The following SNTG2 variants were observed in gnomAD, a reference collection of about 807,000 sequenced individuals.
SNTG2 encodes gamma-2-syntrophin.
In SNTG2, 74 loss-of-function variants were observed where a neutral mutation model predicts 70.9. That is an observed-to-expected ratio of 1.04 (90% CI 0.86 to 1.27). The LOEUF (loss-of-function observed/expected upper bound fraction) is 1.27. SNTG2 is among the 50% of genes most tolerant of loss of function. The probability of loss-of-function intolerance (pLI) is 0.00; values close to 1 mark genes in which losing one functional copy is unlikely to be tolerated. For synonymous variants in SNTG2, 278 were observed against 273.8 expected, an observed-to-expected ratio of 1.02 and a Z score of -0.15; for missense variants, 717 against 690.7, an observed-to-expected ratio of 1.04 and a Z score of -0.43.
chr2:1,014,538 A>G (rs1659819100), intron 1 of SNTG2, among the ~76,000 whole-genome samples: 1 of 79,030 alleles, frequency 1.3e-5, no homozygotes, highest in Non-Finnish European at 2.9e-5. Context: ...TGGTCTGGAG[A>G]AGGATTTATA....
intron 8 of SNTG2, among the ~76,000 whole-genome samples, chr2:1,178,369 C>G (rs1671624520): frequency 6.6e-6 from 1 of 152,152 alleles, no homozygotes; most frequent in South Asian, 2.1e-4. Context: ...GAGGACATCT[C>G]TGTCTTGTGC....
intron 1 of SNTG2, among the ~76,000 whole-genome samples, chr2:992,047 C>T (rs760701907): frequency 3.3e-5 from 5 of 151,918 alleles, no homozygotes; most frequent in Non-Finnish European, 5.9e-5. Flanking sequence ...AATAACACAC[C>T]GTGACCCAGC....
chr2:1,312,432 A>C (rs1681046576), intron 15 of SNTG2, among the ~76,000 whole-genome samples: 1 of 152,164 alleles, frequency 6.6e-6, no homozygotes, highest in Non-Finnish European at 1.5e-5. Flanking sequence ...GAGGACATCG[A>C]CAAGAATAGA....
intron 1 of SNTG2, among the ~76,000 whole-genome samples, chr2:981,720 G>A (rs556623234): frequency 2.5e-4 from 38 of 152,168 alleles, no homozygotes; most frequent in African/African-American, 7.0e-4. Context: ...CAAACAAGTC[G>A]TACACACATG....
At chr2:1,214,847 T>C (rs1020272891) in intron 9 of SNTG2, among the ~76,000 whole-genome samples, 1 of 152,208 alleles carries the variant, frequency 6.6e-6, no homozygotes, top group Non-Finnish European at 1.5e-5. Flanking sequence ...TTTTCATCAT[T>C]AAGTATGATA....
intron 1 of SNTG2, among the ~76,000 whole-genome samples, chr2:1,076,580 C>G (rs1049741627): frequency 2.0e-5 from 3 of 152,168 alleles, no homozygotes; most frequent in Non-Finnish European, 4.4e-5. Flanking sequence ...TTTAGAATAG[C>G]CTTCTCTGTT....
At chr2:1,010,900 A>G (rs1659712150) in intron 1 of SNTG2, among the ~76,000 whole-genome samples, 1 of 152,232 alleles carries the variant, frequency 6.6e-6, no homozygotes. Context: ...TAGGCCCTAG[A>G]GTCTTCCGAC....
At chr2:1,334,317 A>G (rs937821222) in intron 16 of SNTG2, among the ~76,000 whole-genome samples, 7 of 152,214 alleles carry the variant, frequency 4.6e-5, no homozygotes, top group Non-Finnish European at 1.0e-4. Context: ...TGAATGTGAT[A>G]AAAAGGGAAC....
At chr2:1,006,866 C>G (rs1365511931) in intron 1 of SNTG2, among the ~76,000 whole-genome samples, 2 of 151,856 alleles carry the variant, frequency 1.3e-5, no homozygotes, top group Non-Finnish European at 2.9e-5. Context: ...ACCCTTTCTA[C>G]TAAAAGTACA....
chr2:1,116,114 A>T (rs911346879), intron 4 of SNTG2, among the ~76,000 whole-genome samples: 1 of 152,144 alleles, frequency 6.6e-6, no homozygotes, highest in Non-Finnish European at 1.5e-5. Flanking sequence ...CACAATGGGG[A>T]TGTAATCGTA....
intron 14 of SNTG2, among the ~76,000 whole-genome samples, chr2:1,302,519 A>G (rs1201453545): frequency 6.6e-6 from 1 of 151,464 alleles, no homozygotes; most frequent in Non-Finnish European, 1.5e-5. Context: ...CACTCAAAAA[A>G]ATACAGATAA....
chr2:1,360,499 A>C (rs1457942809), intron 16 of SNTG2, among the ~76,000 whole-genome samples: 1 of 152,084 alleles, frequency 6.6e-6, no homozygotes, highest in Non-Finnish European at 1.5e-5. Flanking sequence ...AGATATTTTT[A>C]TTTCCAGAAG....
intron 6 of SNTG2, among the ~76,000 whole-genome samples, chr2:1,146,425 C>CT (rs1439520294): frequency 2.6e-5 from 4 of 152,118 alleles, no homozygotes; most frequent in African/African-American, 9.7e-5. Flanking sequence ...AGAAGATAGT[C>CT]TATGTTCATG....
chr2:1,001,071 C>T lies in SNTG2; in HGVS notation c.72+50003C>T, dbSNP rs183709210. 2.6e-5 allele frequency among the ~76,000 whole-genome samples: 4 copies of T among 152,122 alleles called. No individual in the cohort carries two copies. The South Asian group carries it at 8.3e-4, about 31-fold the overall frequency. On this transcript the variant is annotated intron_variant, in intron 1 of 16. Transcript: ENST00000308624. ...GAAGCATTCAATAAATTCCAACATCCCTTCATAATAAAACCCTGAACAAGC... is the reference window on the plus strand; with the variant it reads ...GAAGCATTCAATAAATTCCAACATCTCTTCATAATAAAACCCTGAACAAGC...
chr2:1,040,228 C>T (rs758023595), intron 1 of SNTG2, among the ~76,000 whole-genome samples: 6 of 152,218 alleles, frequency 3.9e-5, no homozygotes, highest in Non-Finnish European at 7.3e-5. Context: ...CTGCACCCCA[C>T]GCCAGTGACA....
intron 1 of SNTG2, among the ~76,000 whole-genome samples, chr2:1,046,104 A>C (rs114891744): frequency 0.03 from 4,603 of 151,610 alleles, 109 homozygotes; most frequent in Middle Eastern, 0.078. Flanking sequence ...ACTGAATTGA[A>C]CCCTTCATTA....
chr2:1,268,894 C>T (rs925857722), intron 14 of SNTG2, among the ~76,000 whole-genome samples: 2 of 152,150 alleles, frequency 1.3e-5, no homozygotes, highest in Admixed American at 1.3e-4. Flanking sequence ...ATTCTCCATT[C>T]GCGTGTGTGT....
At chr2:1,358,184 C>T (rs4927644) in intron 16 of SNTG2, among the ~76,000 whole-genome samples, 109,688 of 151,988 alleles carry the variant, frequency 0.72, 39,881 homozygotes, top group East Asian at 0.94. Context: ...TAATTATCTC[C>T]CAAAGGTCTT....
At chr2:1,008,980 A>G (rs1659646914) in intron 1 of SNTG2, among the ~76,000 whole-genome samples, 1 of 152,236 alleles carries the variant, frequency 6.6e-6, no homozygotes. Context: ...AATTGCTTGT[A>G]CATAATTGCC....
Sources: gnomAD v4.1 joint callset for allele counts (sites outside exome capture counted in the v4.1 genomes callset) on GRCh38, gnomAD v4.1.1 for gene constraint, MANE v1.5 for transcripts, NCBI Gene and HGNC (gene_info 2026-07-23, HGNC 2026-07-21) for gene names.